The following ANGPT4 variants were observed in gnomAD, a reference collection of about 807,000 sequenced individuals.
ANGPT4 encodes angiopoietin-4.
A neutral mutation model predicts 53.0 loss-of-function variants in ANGPT4; 50 were observed. That is an observed-to-expected ratio of 0.94 (90% CI 0.75 to 1.20). The LOEUF is 1.20. Ranked by LOEUF, ANGPT4 falls within the 50% of genes most tolerant of loss-of-function variation. The probability of loss-of-function intolerance (pLI) is 0.00; values close to 1 mark genes in which losing one functional copy is unlikely to be tolerated. For missense variants in ANGPT4, 648 were observed against 637.1 expected (o/e 1.02, Z -0.18); for synonymous variants, 251 against 259.7 (o/e 0.97, Z 0.32).
At chr20:882,627 C>T (rs1981453334) in intron 4 of ANGPT4, among the ~76,000 whole-genome samples, 2 of 152,182 alleles carry the variant, frequency 1.3e-5, no homozygotes, top group Admixed American at 6.5e-5. Flanking sequence ...CAGCTCCCCA[C>T]AGGGAATTGG....
At position 885,220 on chromosome 20, in the gene ANGPT4, G is replaced by T. The variant is rs770519444; in HGVS notation, c.693C>A (p.Ser231Arg). 7.5e-6 allele frequency: 12 copies of T among 1,589,602 alleles called. No individual in the cohort carries two copies. Among genetic ancestry groups the T allele is most frequent in the Admixed American group, 1.8e-5 (1 of 56,652 alleles). ...AKLLNTLSRQ[S>R]AALTNIERGL... Reference sequence around the variant, plus strand: ...CGCGCTCGATGTTGGTGAGGGCGGCGCTCTGGCGGCTCAGCGTGTTCAGCA... The same window carrying T: ...CGCGCTCGATGTTGGTGAGGGCGGCTCTCTGGCGGCTCAGCGTGTTCAGCA... Residue 231 changes from serine (S) to arginine (R), a missense_variant, in exon 4 of 9, where the codon AGC (serine) becomes AGA (arginine). Coordinates refer to ENST00000381922, the MANE Select transcript of ANGPT4 (RefSeq NM_015985.4).
In ANGPT4 at chr20:873,046, T is replaced by C. The variant is rs765296556; in HGVS notation, c.1426A>G (p.Met476Val). The C allele has an allele frequency of 1.2e-6, 2 of 1,613,914 alleles. No homozygotes were observed. Among genetic ancestry groups the C allele is most frequent in the Admixed American group, 1.7e-5 (1 of 59,992 alleles). ...AAGTAGTGCCAGCGGATGCCGTCCATCTTGTACTTGTTGTCGGGAGCGTGG... is the reference window on the plus strand; with the variant it reads ...AAGTAGTGCCAGCGGATGCCGTCCACCTTGTACTTGTTGTCGGGAGCGTGG... ...YYHAPDNKYK[M>V]DGIRWHYFKG... Residue 476 changes from methionine (M) to valine (V), a missense_variant, in exon 9 of 9, where the codon ATG becomes GTG. By Grantham distance (21) the Met-to-Val change is conservative. Transcript: ENST00000381922.
intron 1 of ANGPT4, among the ~76,000 whole-genome samples, chr20:893,597 C>T (rs949379365): frequency 9.9e-5 from 15 of 152,164 alleles, no homozygotes; most frequent in African/African-American, 3.6e-4. Flanking sequence ...TCACCATCTC[C>T]CACCCAGACT....
chr20:879,015 C>A (rs1191008455), intron 6 of ANGPT4, among the ~76,000 whole-genome samples: 1 of 152,208 alleles, frequency 6.6e-6, no homozygotes. Flanking sequence ...GGTTAATATT[C>A]AGGGTTCTTT....
At chr20:884,789 G>A (rs1270279150) in intron 4 of ANGPT4, among the ~76,000 whole-genome samples, 1 of 152,164 alleles carries the variant, frequency 6.6e-6, no homozygotes, top group Non-Finnish European at 1.5e-5. Context: ...TGTCAGTCTG[G>A]ATTGCTGTTG....
At chr20:892,594 C>CAAAA (rs59076723) in intron 1 of ANGPT4, among the ~76,000 whole-genome samples, 6 of 131,784 alleles carry the variant, frequency 4.6e-5, no homozygotes, top group African/African-American at 1.4e-4. Context: ...GACCGTGTCT[C>CAAAA]AAAAAAAAAA....
Position 908,829 on chromosome 20 carries a change from G to A in ANGPT4, c.309+7077C>T, listed in dbSNP as rs1339074290. On this transcript the variant is annotated intron_variant, in intron 1 of 8. Transcript: ENST00000381922. The surrounding 1 kb of genome is among the most constrained non-coding windows in gnomAD (Gnocchi z 4.9). Reference sequence around the variant, plus strand: ...CACATCTACACATAGTCCCAGAATTGAAAGGATGCATGATTTTTTCATGAC... The same window carrying A: ...CACATCTACACATAGTCCCAGAATTAAAAGGATGCATGATTTTTTCATGAC... Among the ~76,000 whole-genome samples the A allele has an allele frequency of 1.3e-5, 2 of 152,148 alleles. No individual in the cohort carries two copies. The highest frequency in any genetic ancestry group is 2.4e-5 in the African/African-American group (1 of 41,424).
At chr20:887,959 T>A (rs2122795233) in intron 3 of ANGPT4, among the ~76,000 whole-genome samples, 1 of 151,932 alleles carries the variant, frequency 6.6e-6, no homozygotes, top group Non-Finnish European at 1.5e-5. Context: ...AAGATGCCTA[T>A]CCCCTGTCCC....
intron 5 of ANGPT4, among the ~76,000 whole-genome samples, chr20:880,147 G>A (rs1227644538): frequency 2.6e-5 from 4 of 152,152 alleles, no homozygotes; most frequent in South Asian, 4.2e-4. Flanking sequence ...AAAATTAAAC[G>A]AGATGAGTCA....
Position 879,775 on chromosome 20 carries a change from A to G in ANGPT4, c.1025T>C (p.Phe342Ser). ...IQRRENGTVN[F>S]QRNWKDYKQG... is the part of the protein sequence containing the mutation. ...TTTGTAATCCTTCCAGTTCCGCTGA[A>G]AATTCACGGTGCCATTCTCACGGCG... Residue 342 changes from phenylalanine (F) to serine (S), a missense_variant, in exon 6 of 9, where the codon TTT becomes TCT. Transcript: ENST00000381922. 1 of 1,613,720 alleles carries G rather than the reference A, an allele frequency of 6.2e-7. No individual in the cohort carries two copies. The highest frequency in any genetic ancestry group is 1.1e-5 in the South Asian group (1 of 91,020).
At chr20:895,104 C>T (rs1174424710) in intron 1 of ANGPT4, among the ~76,000 whole-genome samples, 1 of 152,172 alleles carries the variant, frequency 6.6e-6, no homozygotes, top group Non-Finnish European at 1.5e-5. Context: ...GGAGCTAGGT[C>T]TGGCCCATGG....
chr20:912,338 A>T (rs772673088), intron 1 of ANGPT4, among the ~76,000 whole-genome samples: 36 of 152,254 alleles, frequency 2.4e-4, no homozygotes, highest in Non-Finnish European at 4.3e-4. Context: ...CAGCCTCCGG[A>T]TTAGGCACTG....
In ANGPT4 at chr20:885,084, C is replaced by T; in HGVS notation, c.829G>A (p.Ala277Thr). The T allele has an allele frequency of 1.2e-6, 2 of 1,613,682 alleles. No homozygotes were observed. The highest frequency in any genetic ancestry group is 1.7e-6 in the Non-Finnish European group (2 of 1,179,912). Residue 277 changes from alanine to threonine, a missense_variant, in exon 4 of 9, where the codon GCC becomes ACC. Ala to Thr is a moderately conservative substitution (Grantham distance 58, BLOSUM62 0). Transcript: ENST00000381922. Reference protein sequence around the residue: ...HLVQERANASAPAFIMAGEQV... With the variant: ...HLVQERANASTPAFIMAGEQV... ...GCGCACACCGCTCACTCACCCGGGG[C>T]CGAGGCGTTAGCCCTTTCTTGCACC... is the stretch of plus-strand genomic sequence containing the variant.
At chr20:899,047 C>T (rs188620386) in intron 1 of ANGPT4, among the ~76,000 whole-genome samples, 187 of 152,314 alleles carry the variant, frequency 1.2e-3, no homozygotes, top group Admixed American at 2.9e-3. Flanking sequence ...CCTCAGAAGC[C>T]TCCTGGACCA....
chr20:897,427 C>T (rs1253091319), intron 1 of ANGPT4, among the ~76,000 whole-genome samples: 1 of 152,222 alleles, frequency 6.6e-6, no homozygotes, highest in Admixed American at 6.5e-5. Flanking sequence ...TTCAATCTCC[C>T]TGTCCTTCCA....
Position 872,822 on chromosome 20 carries a change from G to A in ANGPT4, c.*138C>T. 1 of 1,111,248 alleles carries A rather than the reference G, an allele frequency of 9.0e-7. No individual in the cohort carries two copies. Among genetic ancestry groups the A allele is most frequent in the Non-Finnish European group, 1.3e-6 (1 of 771,558 alleles). 68.8% of individuals were successfully genotyped at this position (1,111,248 alleles called of 1,614,324 possible). On this transcript the variant is annotated 3_prime_UTR_variant, in exon 9 of 9. Transcript: ENST00000381922. Reference sequence around the variant, plus strand: ...GGCAGATGACCCTTCTGGACTTCTGGGTCAAGGAGGGCTGGCTCAGGAAGC... The same window carrying A: ...GGCAGATGACCCTTCTGGACTTCTGAGTCAAGGAGGGCTGGCTCAGGAAGC...
At chr20:879,609 G>A in intron 6 of ANGPT4, 138 bp downstream of exon 6, 1 of 481,808 alleles carries the variant, frequency 2.1e-6, no homozygotes, top group Admixed American at 4.0e-5. Flanking sequence ...GTCCCATAAA[G>A]CAGATGTGCA....
chr20:880,886 T>G (rs953053049), intron 5 of ANGPT4, among the ~76,000 whole-genome samples: 12 of 152,228 alleles, frequency 7.9e-5, no homozygotes, highest in African/African-American at 2.9e-4. Flanking sequence ...GGGGGTTGTT[T>G]GTAATATCAG....
chr20:893,926 T>G (rs1486059887), intron 1 of ANGPT4, among the ~76,000 whole-genome samples: 1 of 152,266 alleles, frequency 6.6e-6, no homozygotes. Context: ...TCTCCATGGG[T>G]CTGCCTTTTG....
Sources: allele counts gnomAD v4.1 joint callset (sites outside exome capture counted in the v4.1 genomes callset), GRCh38; gene constraint gnomAD v4.1.1; non-coding constraint Gnocchi (gnomAD v3.1); transcripts MANE v1.5; gene names NCBI Gene and HGNC (gene_info 2026-07-23, HGNC 2026-07-21).